Variants in LOC128706665 observed in about 807,000 individuals in gnomAD.
the LOC128706665 span, among the ~76,000 whole-genome samples, chr20:10,425,029 G>A: frequency 1.3e-5 from 2 of 150,148 alleles, no homozygotes; most frequent in African/African-American, 4.9e-5. Context: ...CTCCCACCTA[G>A]GCAACAAGAG....
the LOC128706665 span, among the ~76,000 whole-genome samples, chr20:10,430,045 AC>A: frequency 6.6e-6 from 1 of 152,020 alleles, no homozygotes; most frequent in Non-Finnish European, 1.5e-5. Flanking sequence ...AAACAAAAAA[AC>A]AAAAACAAAA....
At chr20:10,426,757 C>T in the LOC128706665 span, among the ~76,000 whole-genome samples, 5 of 152,148 alleles carry the variant, frequency 3.3e-5, no homozygotes, top group Non-Finnish European at 1.5e-5. Flanking sequence ...TGTCATTTCA[C>T]TTGTCCAAAA....
At chr20:10,420,021 G>C in the LOC128706665 span, among the ~76,000 whole-genome samples, 2 of 152,010 alleles carry the variant, frequency 1.3e-5, no homozygotes, top group African/African-American at 4.8e-5. Context: ...TTGGTTTTGA[G>C]AACTTTTTGA....
the LOC128706665 span, among the ~76,000 whole-genome samples, chr20:10,417,814 C>T: frequency 6.6e-6 from 1 of 151,816 alleles, no homozygotes; most frequent in Non-Finnish European, 1.5e-5. Flanking sequence ...TGAAAGTAGC[C>T]TCTTGATATA....
the LOC128706665 span, among the ~76,000 whole-genome samples, chr20:10,414,674 C>G: frequency 1.3e-5 from 2 of 152,138 alleles, no homozygotes; most frequent in Non-Finnish European, 2.9e-5. Context: ...TAGGTTTGAA[C>G]AGAAGTGCAT....
chr20:10,418,409 C>A, the LOC128706665 span, among the ~76,000 whole-genome samples: 1 of 152,092 alleles, frequency 6.6e-6, no homozygotes, highest in Non-Finnish European at 1.5e-5. Context: ...ATGTAATTTT[C>A]CATAATGAAA....
the LOC128706665 span, among the ~76,000 whole-genome samples, chr20:10,429,758 C>T: frequency 9.1e-3 from 1,382 of 152,244 alleles, 14 homozygotes; most frequent in Non-Finnish European, 0.015. Flanking sequence ...CAGACCCTCG[C>T]GCCCTCACAT....
the LOC128706665 span, among the ~76,000 whole-genome samples, chr20:10,427,029 G>GACACACACACACACACACACACACAC: frequency 2.8e-4 from 36 of 130,784 alleles, no homozygotes; most frequent in South Asian, 5.3e-4. Context: ...AGAAAACACT[G>GACACACACACACACACACACACACAC]ACACACACAC....
At chr20:10,430,226 T>G in the LOC128706665 span, among the ~76,000 whole-genome samples, 3 of 152,156 alleles carry the variant, frequency 2.0e-5, no homozygotes. Context: ...AAGAATGCAT[T>G]GTCATGTAGT....
At chr20:10,415,814 T>C in the LOC128706665 span, among the ~76,000 whole-genome samples, 1 of 152,228 alleles carries the variant, frequency 6.6e-6, no homozygotes, top group Non-Finnish European at 1.5e-5. Flanking sequence ...CCTCTGTCAG[T>C]CTTACAGTAG....
the LOC128706665 span, among the ~76,000 whole-genome samples, chr20:10,414,265 C>CTTTTTT: frequency 1.7e-4 from 22 of 132,348 alleles, 1 homozygote; most frequent in African/African-American, 4.8e-4. Context: ...GTCTCTGAGT[C>CTTTTTT]TTTTTTTTTT....
chr20:10,425,979 A>C, the LOC128706665 span, among the ~76,000 whole-genome samples: 8 of 152,330 alleles, frequency 5.3e-5, no homozygotes, highest in East Asian at 1.5e-3. Context: ...TTATAGTTTC[A>C]TTTACTAAAA....
chr20:10,433,636 G>C, the LOC128706665 span, among the ~76,000 whole-genome samples: 1 of 152,174 alleles, frequency 6.6e-6, no homozygotes, highest in African/African-American at 2.4e-5. Flanking sequence ...CCCCGCGGCT[G>C]CTTTCACGTA....
At chr20:10,422,583 T>C in the LOC128706665 span, among the ~76,000 whole-genome samples, 2 of 152,200 alleles carry the variant, frequency 1.3e-5, no homozygotes, top group Non-Finnish European at 2.9e-5. Flanking sequence ...TTGATTGACA[T>C]ATGGCATTCT....
the LOC128706665 span, among the ~76,000 whole-genome samples, chr20:10,415,843 C>A: frequency 6.6e-6 from 1 of 152,036 alleles, no homozygotes; most frequent in African/African-American, 2.4e-5. Context: ...GTACACATAT[C>A]TTTTGGCTAG....
chr20:10,425,121 A>G, the LOC128706665 span, among the ~76,000 whole-genome samples: 2 of 152,148 alleles, frequency 1.3e-5, no homozygotes, highest in Admixed American at 6.5e-5. Context: ...GTATAGTATA[A>G]CCTTACTTTT....
chr20:10,421,707 T>C, the LOC128706665 span, among the ~76,000 whole-genome samples: 2 of 152,058 alleles, frequency 1.3e-5, no homozygotes, highest in Non-Finnish European at 2.9e-5. Flanking sequence ...TACAGGGTTA[T>C]CGACCTAGTT....
At chr20:10,421,572 A>T in the LOC128706665 span, among the ~76,000 whole-genome samples, 1 of 152,160 alleles carries the variant, frequency 6.6e-6, no homozygotes, top group East Asian at 1.9e-4. Context: ...ATGGATTCCA[A>T]TTGCAGTAAA....
chr20:10,419,309 T>C, the LOC128706665 span, among the ~76,000 whole-genome samples: 7 of 152,142 alleles, frequency 4.6e-5, no homozygotes, highest in Non-Finnish European at 1.5e-5. Context: ...ATGAGTTTCA[T>C]AATTCAGAAT....
Sources: gnomAD v4.1 joint callset for allele counts (sites outside exome capture counted in the v4.1 genomes callset) on GRCh38, gnomAD v4.1.1 for gene constraint, MANE v1.5 for transcripts.